Variants in PDE4D observed in about 807,000 individuals in gnomAD.
PDE4D encodes 3',5'-cyclic-AMP phosphodiesterase 4D.
In PDE4D, 24 loss-of-function variants were observed where a neutral mutation model predicts 87.4. That is an observed-to-expected ratio of 0.27 (90% CI 0.20 to 0.39). The LOEUF is 0.39. Ranked by LOEUF, PDE4D falls within the 10% of genes least tolerant of loss-of-function variation. PDE4D has a pLI of 1.00. For synonymous variants in PDE4D, 384 were observed against 383.2 expected, an observed-to-expected ratio of 1.00 and a Z score of -0.02; for missense variants, 714 against 1,041.0, an observed-to-expected ratio of 0.69 and a Z score of 4.32.
intron 5 of PDE4D, among the ~76,000 whole-genome samples, chr5:59,048,612 A>G (rs1761077958): frequency 6.6e-6 from 1 of 152,246 alleles, no homozygotes; most frequent in Non-Finnish European, 1.5e-5. Flanking sequence ...ATCCCATCCA[A>G]TACCATGATC....
chr5:59,943,497 G>A (rs1757399956), intron 3 of PDE4D, among the ~76,000 whole-genome samples: 1 of 152,136 alleles, frequency 6.6e-6, no homozygotes, highest in African/African-American at 2.4e-5. Flanking sequence ...AAGTCTGAGT[G>A]TATCATTTAG....
chr5:60,458,467 T>C (rs1228244505), intron 1 of PDE4D, among the ~76,000 whole-genome samples: 1 of 151,920 alleles, frequency 6.6e-6, no homozygotes, highest in African/African-American at 2.4e-5. Context: ...CGCAGCATTT[T>C]GGAATGACAC....
At chr5:59,570,472 T>C (rs1821643923) in intron 1 of PDE4D, among the ~76,000 whole-genome samples, 1 of 152,180 alleles carries the variant, frequency 6.6e-6, no homozygotes, top group Non-Finnish European at 1.5e-5. Context: ...AATTTTCACT[T>C]GTAAATAGTG....
chr5:59,693,029 C>T (rs1172891543), intron 1 of PDE4D, among the ~76,000 whole-genome samples: 2 of 151,964 alleles, frequency 1.3e-5, no homozygotes, highest in Admixed American at 6.6e-5. Context: ...GATTTGTGCA[C>T]ATTAATTATA....
intron 5 of PDE4D, among the ~76,000 whole-genome samples, chr5:59,108,720 C>A (rs1332816866): frequency 6.6e-6 from 1 of 151,826 alleles, no homozygotes; most frequent in Non-Finnish European, 1.5e-5. Flanking sequence ...ATGGCAAAAC[C>A]CCATCTCTAC....
intron 1 of PDE4D, among the ~76,000 whole-genome samples, chr5:59,383,735 T>C (rs1330772566): frequency 2.6e-5 from 4 of 152,138 alleles, no homozygotes; most frequent in Non-Finnish European, 5.9e-5. Context: ...AAAATATAAA[T>C]TATACATATA....
chr5:60,360,783 T>C (rs1759996222), intron 1 of PDE4D, among the ~76,000 whole-genome samples: 1 of 152,212 alleles, frequency 6.6e-6, no homozygotes, highest in Admixed American at 6.5e-5. Flanking sequence ...TGTGCTCTTG[T>C]TATCATCAGA....
At chr5:59,619,734 T>C (rs1158344705) in intron 1 of PDE4D, among the ~76,000 whole-genome samples, 1 of 152,100 alleles carries the variant, frequency 6.6e-6, no homozygotes, top group African/African-American at 2.4e-5. Context: ...GAGAGTGGCC[T>C]ACACTCTTCA....
intron 2 of PDE4D, among the ~76,000 whole-genome samples, chr5:60,032,375 C>T (rs1016088768): frequency 4.6e-5 from 7 of 152,120 alleles, no homozygotes; most frequent in Admixed American, 3.3e-4. Context: ...TTCTCTATTG[C>T]GTTCTTATTT....
chr5:60,455,098 C>A (rs1417405532), intron 1 of PDE4D, among the ~76,000 whole-genome samples: 1 of 151,874 alleles, frequency 6.6e-6, no homozygotes, highest in East Asian at 1.9e-4. Flanking sequence ...AGTATACAAC[C>A]AATTATAGGG....
chr5:59,719,943 T>C (rs1580664565), intron 1 of PDE4D, among the ~76,000 whole-genome samples: 1 of 152,202 alleles, frequency 6.6e-6, no homozygotes, highest in Non-Finnish European at 1.5e-5. Flanking sequence ...AGAACATCCA[T>C]AATTTCACTC....
At chr5:59,580,145 C>T (rs944669340) in intron 1 of PDE4D, among the ~76,000 whole-genome samples, 1 of 152,198 alleles carries the variant, frequency 6.6e-6, no homozygotes, top group African/African-American at 2.4e-5. Flanking sequence ...GCTAAGTCAT[C>T]TGCCACAAGA....
chr5:59,647,739 G>A (rs891014473), intron 1 of PDE4D, among the ~76,000 whole-genome samples: 2 of 152,026 alleles, frequency 1.3e-5, no homozygotes, highest in African/African-American at 4.8e-5. Flanking sequence ...ATATATATGT[G>A]TTCACATTTA....
At chr5:60,043,919 A>G (rs1467153528) in intron 2 of PDE4D, among the ~76,000 whole-genome samples, 3 of 152,202 alleles carry the variant, frequency 2.0e-5, no homozygotes, top group African/African-American at 7.2e-5. Flanking sequence ...TCCTTTAAAC[A>G]CTTTAAATAT....
intron 6 of PDE4D, among the ~76,000 whole-genome samples, chr5:58,995,012 T>C (rs1748883006): frequency 6.9e-6 from 1 of 144,608 alleles, no homozygotes; most frequent in South Asian, 2.2e-4. Context: ...GAACTTAAAG[T>C]ATAATAAAAA....
At chr5:59,081,518 T>TAAAAAAAAAAAAAAAAAA (rs35050580) in intron 5 of PDE4D, among the ~76,000 whole-genome samples, 12 of 135,410 alleles carry the variant, frequency 8.9e-5, no homozygotes, top group East Asian at 2.2e-4. Context: ...AGTAATCAGG[T>TAAAAAAAAAAAAAAAAAA]AAAAAAAAAA....
intron 1 of PDE4D, among the ~76,000 whole-genome samples, chr5:59,649,931 T>TTTTTTTTTTTTTTTTTTTTTTG (rs1474090994): frequency 1.4e-5 from 2 of 141,262 alleles, no homozygotes; most frequent in East Asian, 2.0e-4. Context: ...TTTTTTTTTT[T>TTTTTTTTTTTTTTTTTTTTTTG]TAGCAATGAC....
intron 1 of PDE4D, among the ~76,000 whole-genome samples, chr5:59,846,374 C>T (rs1743847374): frequency 6.6e-6 from 1 of 151,992 alleles, no homozygotes; most frequent in Non-Finnish European, 1.5e-5. Flanking sequence ...GAGAAGAATT[C>T]AATAATTCTC....
chr5:60,425,837 G>GA (rs1267173322), intron 1 of PDE4D, among the ~76,000 whole-genome samples: 2 of 151,968 alleles, frequency 1.3e-5, no homozygotes, highest in Non-Finnish European at 2.9e-5. Flanking sequence ...AAGTTTACAA[G>GA]AAAAAAACAA....
Sources: allele counts gnomAD v4.1 joint callset (sites outside exome capture counted in the v4.1 genomes callset), GRCh38; gene constraint gnomAD v4.1.1; transcripts MANE v1.5; gene names NCBI Gene and HGNC (gene_info 2026-07-23, HGNC 2026-07-21).